The following ASTN2 variants were observed in gnomAD, a reference collection of about 807,000 sequenced individuals.
ASTN2 encodes the protein astrotactin 2.
In ASTN2, 54 loss-of-function variants were observed where a neutral mutation model predicts 139.8. The observed-to-expected ratio is 0.39, with a 90% CI of 0.31 to 0.48. The LOEUF is 0.48. Ranked by LOEUF, ASTN2 falls within the 20% of genes least tolerant of loss-of-function variation. ASTN2 has a pLI of 0.95. For synonymous variants in ASTN2, 756 were observed against 719.5 expected, an observed-to-expected ratio of 1.05 and a Z score of -0.81; for missense variants, 1,565 against 1,725.1, an observed-to-expected ratio of 0.91 and a Z score of 1.64.
chr9:117,371,460 T>A (rs1430402976), intron 1 of ASTN2, among the ~76,000 whole-genome samples: 1 of 152,184 alleles, frequency 6.6e-6, no homozygotes, highest in East Asian at 1.9e-4. Context: ...TTTCACCTGC[T>A]GACAGCCAGT....
chr9:116,499,072 G>A (rs761308072), intron 19 of ASTN2, among the ~76,000 whole-genome samples: 6 of 152,004 alleles, frequency 3.9e-5, no homozygotes, highest in Admixed American at 3.9e-4. Flanking sequence ...GCACCACCCC[G>A]ACTAATGCAA....
chr9:117,375,564 A>G (rs149026037), intron 1 of ASTN2, among the ~76,000 whole-genome samples: 365 of 152,324 alleles, frequency 2.4e-3, no homozygotes, highest in Admixed American at 5.7e-3. Context: ...GTCATCATTA[A>G]CCACGTATTG....
intron 16 of ASTN2, among the ~76,000 whole-genome samples, chr9:116,713,051 A>C (rs1408633712): frequency 6.6e-6 from 1 of 152,034 alleles, no homozygotes; most frequent in African/African-American, 2.4e-5. Flanking sequence ...CACTCAACAC[A>C]CTTCCTTGGA....
intron 10 of ASTN2, among the ~76,000 whole-genome samples, chr9:116,910,335 G>C (rs12005281): frequency 6.6e-6 from 1 of 152,074 alleles, no homozygotes; most frequent in African/African-American, 2.4e-5. Context: ...ATTTCGGGTC[G>C]GATAATCCTT....
intron 16 of ASTN2, among the ~76,000 whole-genome samples, chr9:116,657,010 T>C (rs1464809200): frequency 2.0e-5 from 3 of 152,184 alleles, no homozygotes; most frequent in Non-Finnish European, 4.4e-5. Flanking sequence ...TTTTATATCA[T>C]AAAGAACGGC....
intron 1 of ASTN2, among the ~76,000 whole-genome samples, chr9:117,294,423 G>A (rs1224078293): frequency 3.3e-5 from 5 of 152,236 alleles, no homozygotes; most frequent in Non-Finnish European, 4.4e-5. Context: ...GGAGAGAGGA[G>A]GGGTATGAAA....
intron 1 of ASTN2, among the ~76,000 whole-genome samples, chr9:117,362,245 A>C (rs1172939865): frequency 6.6e-6 from 1 of 152,166 alleles, no homozygotes; most frequent in African/African-American, 2.4e-5. Context: ...AAGTGCTGGG[A>C]TTACGAGCGT....
rs150848006 is a variant in ASTN2 at position 117,188,166 on chromosome 9, T to TAGAGAGAG, written c.1015+26184_1015+26191dup. 5.6e-4 allele frequency among the ~76,000 whole-genome samples: 71 copies of TAGAGAGAG among 125,728 alleles called. No homozygotes were observed. The East Asian group carries it at 0.011, about 19-fold the overall frequency. 82.5% of individuals were successfully genotyped at this position (125,728 alleles called of 152,430 possible). ...AAGATGTGTGTGTGTGTCTGTGTGA[T>TAGAGAGAG]AGAGAGAGAGAGAGAGAGAGAGAGA... On this transcript the variant is annotated intron_variant, in intron 3 of 22. Transcript: ENST00000313400.
At chr9:116,481,188 T>C (rs1228244575) in intron 20 of ASTN2, among the ~76,000 whole-genome samples, 1 of 152,062 alleles carries the variant, frequency 6.6e-6, no homozygotes, top group African/African-American at 2.4e-5. Flanking sequence ...GAGACCAGCC[T>C]GGGCAACATG....
intron 17 of ASTN2, among the ~76,000 whole-genome samples, chr9:116,637,089 C>G (rs1331045518): frequency 6.6e-6 from 1 of 152,146 alleles, no homozygotes; most frequent in African/African-American, 2.4e-5. Context: ...CTTGGACTTC[C>G]CAGCCTCCAG....
At chr9:117,045,412 T>C (rs1285533859) in intron 5 of ASTN2, among the ~76,000 whole-genome samples, 1 of 152,028 alleles carries the variant, frequency 6.6e-6, no homozygotes, top group Non-Finnish European at 1.5e-5. Context: ...GGGAATAAGC[T>C]GTGCTGTAGG....
chr9:116,825,097 G>A (rs1234762430), intron 11 of ASTN2, among the ~76,000 whole-genome samples: 1 of 152,140 alleles, frequency 6.6e-6, no homozygotes, highest in Non-Finnish European at 1.5e-5. Context: ...TCGTGACCTT[G>A]GACAAGTCCT....
chr9:116,861,220 C>T (rs1832872778), intron 11 of ASTN2, among the ~76,000 whole-genome samples: 1 of 45,314 alleles, frequency 2.2e-5, no homozygotes. Context: ...AAGCTACACA[C>T]ACACACACAC....
chr9:116,847,175 G>T (rs972363217), intron 11 of ASTN2, among the ~76,000 whole-genome samples: 3 of 152,144 alleles, frequency 2.0e-5, no homozygotes, highest in Non-Finnish European at 4.4e-5. Flanking sequence ...GAGTGCAGTG[G>T]CACAATCTCG....
intron 20 of ASTN2, among the ~76,000 whole-genome samples, chr9:116,452,284 G>C (rs1452358788): frequency 1.3e-5 from 2 of 152,198 alleles, no homozygotes; most frequent in African/African-American, 4.8e-5. Flanking sequence ...AATTTTTAAA[G>C]TGACTTCAGT....
At chr9:116,724,149 A>T (rs1209440342) in intron 16 of ASTN2, among the ~76,000 whole-genome samples, 1 of 152,246 alleles carries the variant, frequency 6.6e-6, no homozygotes, top group Non-Finnish European at 1.5e-5. Context: ...ATGTAGCCAC[A>T]GTGAGTGAAG....
chr9:116,872,630 ACT>A (rs200742997), intron 10 of ASTN2, among the ~76,000 whole-genome samples: 1 of 151,722 alleles, frequency 6.6e-6, no homozygotes, highest in East Asian at 1.9e-4. Context: ...CACAAAGATG[ACT>A]CTCTCTCTCT....
intron 3 of ASTN2, among the ~76,000 whole-genome samples, chr9:117,190,817 T>C (rs897510385): frequency 6.6e-6 from 1 of 152,156 alleles, no homozygotes; most frequent in Non-Finnish European, 1.5e-5. Context: ...TTCTCCCCCA[T>C]TGCAATTATT....
At chr9:116,719,710 A>G (rs1342852108) in intron 16 of ASTN2, among the ~76,000 whole-genome samples, 1 of 152,118 alleles carries the variant, frequency 6.6e-6, no homozygotes, top group Non-Finnish European at 1.5e-5. Flanking sequence ...GGGGTCCATA[A>G]GACAGGCTCC....
Sources: gnomAD v4.1 joint callset for allele counts (sites outside exome capture counted in the v4.1 genomes callset) on GRCh38, gnomAD v4.1.1 for gene constraint, MANE v1.5 for transcripts, NCBI Gene and HGNC (gene_info 2026-07-23, HGNC 2026-07-21) for gene names.